Variants in RAPGEF4 observed in about 807,000 individuals in gnomAD.
The protein encoded by RAPGEF4 is RAP guanine-nucleotide-exchange factor (GEF) 4.
In RAPGEF4, 66 loss-of-function variants were observed where a neutral mutation model predicts 147.9. The ratio of observed to expected loss-of-function variants is 0.45; its 90% confidence interval spans 0.37 to 0.55. The LOEUF is 0.55. RAPGEF4 is among the 20% of genes least tolerant of loss of function. RAPGEF4 has a pLI of 0.00. For synonymous variants in RAPGEF4, 419 were observed against 442.7 expected (o/e 0.95, Z 0.67); for missense variants, 1,071 against 1,257.3 (o/e 0.85, Z 2.24).
intron 1 of RAPGEF4, among the ~76,000 whole-genome samples, chr2:172,737,858 ATGAG>A (rs2149409178): frequency 6.6e-6 from 1 of 152,332 alleles, no homozygotes; most frequent in Non-Finnish European, 1.5e-5. Flanking sequence ...TGTCTGAAAA[ATGAG>A]GATAGGACTA....
chr2:172,887,728 C>T (rs913670422), intron 4 of RAPGEF4, among the ~76,000 whole-genome samples: 1 of 152,132 alleles, frequency 6.6e-6, no homozygotes, highest in Admixed American at 6.6e-5. Flanking sequence ...CCTGTCTCTT[C>T]TCACAGTTCC....
intron 5 of RAPGEF4, among the ~76,000 whole-genome samples, chr2:172,919,873 T>G (rs1160804094): frequency 6.6e-6 from 1 of 152,078 alleles, no homozygotes; most frequent in African/African-American, 2.4e-5. Flanking sequence ...GACTCCTCCT[T>G]TCTCTCGCCA....
At chr2:172,840,187 A>G (rs1385384450) in intron 4 of RAPGEF4, among the ~76,000 whole-genome samples, 3 of 152,166 alleles carry the variant, frequency 2.0e-5, no homozygotes, top group Non-Finnish European at 4.4e-5. Context: ...TGTGTTCGCT[A>G]GCTTTTTGTT....
chr2:172,796,248 T>C (rs1261922191), intron 2 of RAPGEF4, among the ~76,000 whole-genome samples: 1 of 151,972 alleles, frequency 6.6e-6, no homozygotes, highest in Non-Finnish European at 1.5e-5. Context: ...TTGTAGAAAA[T>C]TTAGAAGGTC....
chr2:172,875,770 C>T (rs7607344), intron 4 of RAPGEF4, among the ~76,000 whole-genome samples: 147,538 of 152,300 alleles, frequency 0.97, 71,620 homozygotes, highest in East Asian at 1. Flanking sequence ...TTTTTTCCAA[C>T]TCAGTGAAGA....
intron 6 of RAPGEF4, among the ~76,000 whole-genome samples, chr2:172,955,565 AG>A (rs1688641236): frequency 6.6e-6 from 1 of 152,188 alleles, no homozygotes; most frequent in Admixed American, 6.5e-5. Context: ...TTTCATGCTC[AG>A]GTAGGGAGGA....
At chr2:172,770,227 T>G (rs1697224718) in intron 1 of RAPGEF4, among the ~76,000 whole-genome samples, 2 of 152,226 alleles carry the variant, frequency 1.3e-5, no homozygotes, top group Non-Finnish European at 2.9e-5. Flanking sequence ...ATGTTTGAAG[T>G]GGACCCCGAT....
Position 172,736,068 on chromosome 2 carries a change from AGCCGG to A in RAPGEF4, c.65+22_65+26del, listed in dbSNP as rs756525458. Reference sequence around the variant, plus strand: ...TAAAAGGTAGCTCGCCGGGGGCCGCAGCCGGGGGCCGAGCTCTGCGGTGCTGCCCG... The same window carrying A: ...TAAAAGGTAGCTCGCCGGGGGCCGCAGGGCCGAGCTCTGCGGTGCTGCCCG... On this transcript the variant is annotated intron_variant, in intron 1 of 30. Transcript: ENST00000397081. The A allele has an allele frequency of 1.6e-4, 235 of 1,455,902 alleles. 2 individuals are homozygous for A. In the African/African-American group the frequency reaches 3.1e-3, roughly 19 times the overall value. The allele number at this position is 1,455,902 out of a possible 1,614,324, so 90.2% of individuals were successfully genotyped here. A position where few individuals can be genotyped will look rare whatever the true frequency, so the allele number is the denominator to read the frequency against.
intron 27 of RAPGEF4, among the ~76,000 whole-genome samples, chr2:173,034,884 AC>A (rs1020147214): frequency 3.8e-4 from 58 of 151,278 alleles, no homozygotes; most frequent in Non-Finnish European, 7.2e-4. Flanking sequence ...ACACACACAC[AC>A]ACACACACAC....
chr2:173,039,301 C>CAA (rs373066887), intron 29 of RAPGEF4, among the ~76,000 whole-genome samples: 6 of 138,876 alleles, frequency 4.3e-5, no homozygotes, highest in Non-Finnish European at 6.3e-5. Flanking sequence ...ACTAAAAATA[C>CAA]AAAAAAAAAA....
At chr2:172,842,441 T>C (rs1691720284) in intron 4 of RAPGEF4, among the ~76,000 whole-genome samples, 1 of 152,222 alleles carries the variant, frequency 6.6e-6, no homozygotes, top group Non-Finnish European at 1.5e-5. Flanking sequence ...CACCTCTTAA[T>C]TTTCTCCTGA....
chr2:172,848,208 A>C (rs901978029), intron 4 of RAPGEF4, among the ~76,000 whole-genome samples: 6 of 152,152 alleles, frequency 3.9e-5, no homozygotes, highest in Admixed American at 2.0e-4. Flanking sequence ...CGCGCAGGGC[A>C]CTTCTCCCTG....
rs188810006 is a variant in RAPGEF4 at position 172,757,990 on chromosome 2, T to C, written c.65+21942T>C. ...AACATAATAAATAAATTATATCTTA[T>C]GTTTGAAGGCAGTATGTATTATGGA... On this transcript the variant is annotated intron_variant, in intron 1 of 30. Transcript: ENST00000397081. 5.2e-3 allele frequency among the ~76,000 whole-genome samples: 786 copies of C among 152,272 alleles called. 3 individuals carry two copies. Among genetic ancestry groups the C allele is most frequent in the Non-Finnish European group, 8.5e-3 (580 of 68,026 alleles).
intron 4 of RAPGEF4, among the ~76,000 whole-genome samples, chr2:172,858,472 G>C (rs1187871511): frequency 6.6e-6 from 1 of 152,224 alleles, no homozygotes; most frequent in South Asian, 2.1e-4. Context: ...TCCAGTGACC[G>C]GCCCATAAAG....
At position 172,749,044 on chromosome 2, in the gene RAPGEF4, C is replaced by T. The variant is rs118084579; in HGVS notation, c.65+12996C>T. ...CCCATGGTCTTGGGCAGCCTGGCCC[C>T]TGTGGCTTTGCAGGGTACAGCCTCC... On this transcript the variant is annotated intron_variant, in intron 1 of 30. Coordinates refer to ENST00000397081, the MANE Select transcript of RAPGEF4 (RefSeq NM_007023.4). Among the ~76,000 whole-genome samples, 107 of 152,352 alleles carry T rather than the reference C, an allele frequency of 7.0e-4. 2 individuals carry two copies. The East Asian group carries it at 0.017, about 24-fold the overall frequency.
At chr2:172,855,423 A>C (rs904996831) in intron 4 of RAPGEF4, among the ~76,000 whole-genome samples, 1 of 152,132 alleles carries the variant, frequency 6.6e-6, no homozygotes, top group Non-Finnish European at 1.5e-5. Flanking sequence ...TTTTATTTCA[A>C]TGGTTGCCTG....
intron 17 of RAPGEF4, among the ~76,000 whole-genome samples, chr2:173,011,166 G>GCACACACACA (rs796705219): frequency 1.4e-5 from 1 of 71,998 alleles, no homozygotes; most frequent in African/African-American, 5.2e-5. Context: ...TTCAGCGCGC[G>GCACACACACA]CGCGCACACA....
At chr2:172,874,732 G>A (rs1695677120) in intron 4 of RAPGEF4, among the ~76,000 whole-genome samples, 1 of 152,174 alleles carries the variant, frequency 6.6e-6, no homozygotes, top group Admixed American at 6.5e-5. Flanking sequence ...CTTTATAGCA[G>A]CATGATTTAT....
At chr2:172,745,879 C>T (rs1694723034) in intron 1 of RAPGEF4, among the ~76,000 whole-genome samples, 1 of 152,150 alleles carries the variant, frequency 6.6e-6, no homozygotes, top group Non-Finnish European at 1.5e-5. Context: ...AGTGATTCAG[C>T]AGTGAGTTTC....
Sources: allele counts gnomAD v4.1 joint callset (sites outside exome capture counted in the v4.1 genomes callset), GRCh38; gene constraint gnomAD v4.1.1; transcripts MANE v1.5; gene names NCBI Gene and HGNC (gene_info 2026-07-23, HGNC 2026-07-21).